Variants in RASGEF1B observed in about 807,000 individuals in gnomAD.
RASGEF1B encodes RasGEF domain family member 1B, also known as ras-GEF domain-containing family member 1B.
A neutral mutation model predicts 65.7 loss-of-function variants in RASGEF1B; 30 were observed. That is an observed-to-expected ratio of 0.46 (90% CI 0.34 to 0.62). The LOEUF is 0.62. Ranked by LOEUF, RASGEF1B falls within the 20% of genes least tolerant of loss-of-function variation. The pLI, the probability that RASGEF1B is intolerant of heterozygous loss-of-function variation, is 0.01. For synonymous variants in RASGEF1B, 175 were observed against 194.8 expected, an observed-to-expected ratio of 0.90 and a Z score of 0.85; for missense variants, 495 against 580.1, an observed-to-expected ratio of 0.85 and a Z score of 1.51.
Position 81,433,902 on chromosome 4 carries a change from G to A in RASGEF1B, c.1262C>T (p.Pro421Leu). ...CAAGATCTTCCGGTCCCTCTCAAAT[G>A]GACACTCCACTTGTTTCCATGTCAT... ...EFMTWKQVEC[P>L]FERDRKILQY... The change falls in exon 12 of 14, where the codon CCA becomes CTA. Residue 421 changes from proline to leucine, a missense_variant. Coordinates refer to ENST00000264400, the MANE Select transcript of RASGEF1B (RefSeq NM_152545.3). 2 of 1,613,836 alleles carry A rather than the reference G, an allele frequency of 1.2e-6. No homozygotes were observed. Among genetic ancestry groups the A allele is most frequent in the Non-Finnish European group, 1.7e-6 (2 of 1,179,898 alleles).
In RASGEF1B at chr4:81,440,838, T is replaced by C. The variant is rs746685362; in HGVS notation, c.1100A>G (p.Glu367Gly). Residue 367 changes from glutamate to glycine, a missense_variant, in exon 10 of 14, where the codon GAA (glutamate) becomes GGA (glycine). By Grantham distance (98) the Glu-to-Gly change is moderately conservative. Transcript: ENST00000264400. ...QRSLTAHSSR[E>G]KIVIPFFSLL... Reference sequence around the variant, plus strand: ...GATACTTCTTTAAGTGCATACCTTTTCTCTACTACTATGAGCAGTTAAAGA... The same window carrying C: ...GATACTTCTTTAAGTGCATACCTTTCCTCTACTACTATGAGCAGTTAAAGA... 3.8e-6 allele frequency: 6 copies of C among 1,595,564 alleles called. No individual in the cohort carries two copies. Among genetic ancestry groups the C allele is most frequent in the African/African-American group, 2.7e-5 (2 of 74,490 alleles).
At chr4:81,443,858 C>T (rs1721931243) in intron 8 of RASGEF1B, among the ~76,000 whole-genome samples, 2 of 152,130 alleles carry the variant, frequency 1.3e-5, no homozygotes, top group South Asian at 4.1e-4. Context: ...GAACAGTTTT[C>T]CAAAGTAGTA....
intron 4 of RASGEF1B, chr4:81,453,604 A>G (rs1354983737): frequency 6.6e-6 from 1 of 152,212 alleles, no homozygotes; most frequent in Non-Finnish European, 1.5e-5. Flanking sequence ...GCCAGCTATC[A>G]TTACTCATCA....
intron 1 of RASGEF1B, among the ~76,000 whole-genome samples, chr4:81,461,334 T>C (rs575889381): frequency 6.6e-6 from 1 of 152,340 alleles, no homozygotes; most frequent in East Asian, 1.9e-4. Flanking sequence ...ACCCTTTGTC[T>C]GGATTTGGTT....
At chr4:81,435,756 T>C (rs909869570) in intron 10 of RASGEF1B, among the ~76,000 whole-genome samples, 5 of 144,518 alleles carry the variant, frequency 3.5e-5, no homozygotes, top group Non-Finnish European at 7.5e-5. Flanking sequence ...ATTACAGGCG[T>C]GAGCCAACGC....
intron 6 of RASGEF1B, among the ~76,000 whole-genome samples, chr4:81,446,517 T>C (rs541026586): frequency 1.3e-5 from 2 of 152,280 alleles, no homozygotes; most frequent in African/African-American, 4.8e-5. Context: ...ACTGCTATAA[T>C]CGATACAGCA....
At chr4:81,441,410 A>G (rs763692425) in intron 9 of RASGEF1B, among the ~76,000 whole-genome samples, 1 of 152,194 alleles carries the variant, frequency 6.6e-6, no homozygotes, top group Non-Finnish European at 1.5e-5. Flanking sequence ...TATAATGGTA[A>G]TTTCCAATTT....
At chr4:81,459,203 A>T in intron 2 of RASGEF1B, 129 bp downstream of exon 2, 3 of 708,992 alleles carry the variant, frequency 4.2e-6, no homozygotes, top group Non-Finnish European at 6.8e-6. Flanking sequence ...GATAATCAAT[A>T]TGCAATTTCT....
In RASGEF1B at chr4:81,440,923, T is replaced by A. The variant is rs752697525; in HGVS notation, c.1015A>T (p.Met339Leu). ...TAKFDILEHQ[M>L]DPSSNFYNYR... ...TTATAGAAATTGCTTGAAGGGTCCA[T>A]CTGATGCTATAGATAAAAGAGAGAA... The change falls in exon 10 of 14, where the codon ATG (methionine) becomes TTG (leucine). Residue 339 changes from methionine to leucine, a missense_variant. Met to Leu is a conservative substitution (Grantham distance 15). Coordinates refer to ENST00000264400, the MANE Select transcript of RASGEF1B (RefSeq NM_152545.3). 5.6e-6 allele frequency: 9 copies of A among 1,597,644 alleles called. No individual in the cohort carries two copies. Among genetic ancestry groups the A allele is most frequent in the Non-Finnish European group, 6.9e-6 (8 of 1,165,736 alleles).
chr4:81,451,386 C>T (rs1392699800), intron 4 of RASGEF1B: 1 of 152,180 alleles, frequency 6.6e-6, no homozygotes, highest in East Asian at 1.9e-4. Context: ...CAGCTACCTA[C>T]ATTGACATGG....
chr4:81,456,885 C>T (rs1385574190), intron 3 of RASGEF1B, 97 bp from the exon 4 acceptor site: 3 of 1,134,578 alleles, frequency 2.6e-6, no homozygotes, highest in Non-Finnish European at 3.8e-6. Flanking sequence ...ACTTCTAGTG[C>T]AAAGTCTTTA....
chr4:81,428,303 C>G (rs1424334013), intron 13 of RASGEF1B, among the ~76,000 whole-genome samples: 2 of 152,122 alleles, frequency 1.3e-5, no homozygotes, highest in Non-Finnish European at 2.9e-5. Context: ...AAATATCTTA[C>G]TGCCTTCAAA....
At chr4:81,461,672 G>T (rs1022575719) in intron 1 of RASGEF1B, among the ~76,000 whole-genome samples, 4 of 152,254 alleles carry the variant, frequency 2.6e-5, no homozygotes, top group South Asian at 2.1e-4. Flanking sequence ...TGGTCTAAAG[G>T]CCTGAGGATG....
chr4:81,452,536 TCAA>T (rs1475058525), intron 4 of RASGEF1B: 1 of 152,338 alleles, frequency 6.6e-6, no homozygotes, highest in African/African-American at 2.4e-5. Flanking sequence ...GGAAAGCTAT[TCAA>T]CAACAACTAG....
At position 81,435,828 on chromosome 4, in the gene RASGEF1B, T is replaced by TGGA. The variant is rs571399446; in HGVS notation, c.1105-1097_1105-1095dup. ...ACAGGTCTTTCTCTGTCACCCTGGC[T>TGGA]GGAGTACGGTGGTGCAATCATGGCT... On this transcript the variant is annotated intron_variant, in intron 10 of 13. Transcript: ENST00000264400. Among the ~76,000 whole-genome samples the TGGA allele has an allele frequency of 2.0e-4, 29 of 142,794 alleles. No individual in the cohort carries two copies. In the East Asian group the frequency reaches 3.2e-3, roughly 16 times the overall value. 93.7% of individuals were successfully genotyped at this position (142,794 alleles called of 152,430 possible).
At chr4:81,460,939 C>T (rs1722620884) in intron 1 of RASGEF1B, among the ~76,000 whole-genome samples, 1 of 152,150 alleles carries the variant, frequency 6.6e-6, no homozygotes, top group Non-Finnish European at 1.5e-5. Flanking sequence ...ACTAGGGTCA[C>T]TGGCCCCATG....
intron 2 of RASGEF1B, among the ~76,000 whole-genome samples, chr4:81,458,825 G>T (rs1421470374): frequency 6.6e-6 from 1 of 152,212 alleles, no homozygotes; most frequent in Non-Finnish European, 1.5e-5. Flanking sequence ...GAAAGTGCTA[G>T]CTATATAAAT....
In RASGEF1B at chr4:81,466,758, C is replaced by CA. The variant is rs748152922; in HGVS notation, c.-7+5011dup. 3.3e-4 allele frequency among the ~76,000 whole-genome samples: 19 copies of CA among 57,634 alleles called. 1 individual carries two copies. The South Asian group carries it at 3.5e-3, about 10-fold the overall frequency. The allele number at this position is 57,634 out of a possible 152,430, so 37.8% of individuals were successfully genotyped here. A position where few individuals can be genotyped will look rare whatever the true frequency, so the allele number is the denominator to read the frequency against. On this transcript the variant is annotated intron_variant, in intron 1 of 13. Coordinates refer to ENST00000264400, the MANE Select transcript of RASGEF1B (RefSeq NM_152545.3). ...TGGGCGACAGAGCAAGCCTCCATGTCAAAAAAAAAAAAAAAGAAAGAAAGA... is the reference window on the plus strand; with the variant it reads ...TGGGCGACAGAGCAAGCCTCCATGTCAAAAAAAAAAAAAAAAGAAAGAAAGA...
At position 81,448,267 on chromosome 4, in the gene RASGEF1B, A is replaced by G; in HGVS notation, c.456T>C (p.Asn152=). Reference sequence around the variant, plus strand: ...TCAGACACTGCATCATTTGCTGGACATTCTTTCTGTATGTCTGCTAGGGAA... The same window carrying G: ...TCAGACACTGCATCATTTGCTGGACGTTCTTTCTGTATGTCTGCTAGGGAA... The part of the protein sequence containing the change: ...ASGEEQTYRK[N]VQQMMQCLIR... Residue 152 remains asparagine, a synonymous_variant, in exon 5 of 14, where the codon AAT becomes AAC. Transcript: ENST00000264400. 4 of 1,612,656 alleles carry G rather than the reference A, an allele frequency of 2.5e-6. No individual in the cohort carries two copies. The highest frequency in any genetic ancestry group is 3.4e-6 in the Non-Finnish European group (4 of 1,179,980).
Sources: allele counts gnomAD v4.1 joint callset (sites outside exome capture counted in the v4.1 genomes callset), GRCh38; gene constraint gnomAD v4.1.1; transcripts MANE v1.5; gene names NCBI Gene and HGNC (gene_info 2026-07-23, HGNC 2026-07-21).